PPP4R4: variants seen among roughly 807,000 people sequenced by gnomAD.
The protein encoded by PPP4R4 is protein phosphatase 4 regulatory subunit 4.
PPP4R4 carries 70 observed loss-of-function variants against 121.8 expected under a neutral mutation model. That is an observed-to-expected ratio of 0.57 (90% CI 0.47 to 0.70). The LOEUF (loss-of-function observed/expected upper bound fraction) is 0.70. Ranked by LOEUF, PPP4R4 falls within the 30% of genes least tolerant of loss-of-function variation. PPP4R4 has a pLI of 0.00. For missense variants in PPP4R4, 875 were observed against 1,033.6 expected, an observed-to-expected ratio of 0.85 and a Z score of 2.10; for synonymous variants, 348 against 355.7, an observed-to-expected ratio of 0.98 and a Z score of 0.24.
intron 20 of PPP4R4, 135 bp from the exon 21 acceptor site, chr14:94,265,252 C>T: frequency 1.5e-6 from 1 of 652,574 alleles, no homozygotes; most frequent in South Asian, 2.1e-5. Context: ...TAAATATTAC[C>T]AAGTAAGAAT....
chr14:94,190,259 G>A (rs1466879059), intron 2 of PPP4R4, among the ~76,000 whole-genome samples: 4 of 152,046 alleles, frequency 2.6e-5, no homozygotes, highest in Non-Finnish European at 4.4e-5. Flanking sequence ...TTGGCAGTAT[G>A]TTATCTTAGC....
At chr14:94,208,016 G>A (rs1229382066) in intron 2 of PPP4R4, among the ~76,000 whole-genome samples, 2 of 151,884 alleles carry the variant, frequency 1.3e-5, no homozygotes, top group African/African-American at 4.8e-5. Context: ...CCAAGAGAAA[G>A]TTGTATGATT....
intron 3 of PPP4R4, among the ~76,000 whole-genome samples, chr14:94,213,896 A>C (rs1234470749): frequency 6.6e-6 from 1 of 152,224 alleles, no homozygotes; most frequent in African/African-American, 2.4e-5. Context: ...TTGTTACAGC[A>C]GCCACAGGAA....
At chr14:94,183,986 CAT>C (rs1034956867) in intron 2 of PPP4R4, among the ~76,000 whole-genome samples, 5 of 151,982 alleles carry the variant, frequency 3.3e-5, no homozygotes, top group African/African-American at 7.2e-5. Context: ...CATATTATAA[CAT>C]ATGTATATCA....
At chr14:94,188,328 C>T (rs900378524) in intron 2 of PPP4R4, among the ~76,000 whole-genome samples, 2 of 152,030 alleles carry the variant, frequency 1.3e-5, no homozygotes, top group Non-Finnish European at 2.9e-5. Context: ...TGTTTCTAGA[C>T]TCTATTTGCT....
At chr14:94,179,503 T>G (rs1888860708) in intron 2 of PPP4R4, among the ~76,000 whole-genome samples, 1 of 152,238 alleles carries the variant, frequency 6.6e-6, no homozygotes. Flanking sequence ...CACTTAATTC[T>G]TCACTTTTTG....
At chr14:94,255,343 A>C (rs1178838064) in intron 16 of PPP4R4, among the ~76,000 whole-genome samples, 1 of 148,926 alleles carries the variant, frequency 6.7e-6, no homozygotes, top group Non-Finnish European at 1.5e-5. Context: ...TCCTGCCTGT[A>C]ATCCCAGCAC....
chr14:94,204,046 G>A, intron 2 of PPP4R4, among the ~76,000 whole-genome samples: 1 of 152,048 alleles, frequency 6.6e-6, no homozygotes, highest in East Asian at 1.9e-4. Flanking sequence ...TTTTGATGAA[G>A]TCTAACTTTT....
chr14:94,221,782 T>G (rs561729170), intron 3 of PPP4R4, among the ~76,000 whole-genome samples: 2 of 152,070 alleles, frequency 1.3e-5, no homozygotes, highest in Non-Finnish European at 2.9e-5. Context: ...GTACAACAAC[T>G]TTAGAAAACA....
At chr14:94,229,711 G>C (rs1891908692) in intron 3 of PPP4R4, among the ~76,000 whole-genome samples, 1 of 151,930 alleles carries the variant, frequency 6.6e-6, no homozygotes, top group Admixed American at 6.6e-5. Context: ...ACTATTTTAT[G>C]ACTAAGTTCC....
intron 2 of PPP4R4, 87 bp downstream of exon 2, chr14:94,176,214 T>C: frequency 8.8e-7 from 1 of 1,142,356 alleles, no homozygotes; most frequent in African/African-American, 1.5e-5. Flanking sequence ...GTTCGCGTTA[T>C]GTTCAGATTT....
chr14:94,242,990 G>A lies in PPP4R4; in HGVS notation c.1266+582G>A, dbSNP rs1021018352. The stretch of plus-strand genomic sequence containing the variant: ...CGTATGCCGTGGTTGCAATAAATAC[G>A]GATAAGCTATAACTTTCAACTTCAA... On this transcript the variant is annotated intron_variant, in intron 11 of 24. Transcript: ENST00000304338. Among the ~76,000 whole-genome samples the A allele has an allele frequency of 5.9e-5, 9 of 152,126 alleles. No homozygotes were observed. In the East Asian group the frequency reaches 7.7e-4, roughly 13 times the overall value.
At chr14:94,206,537 T>G (rs1358378188) in intron 2 of PPP4R4, among the ~76,000 whole-genome samples, 1 of 152,036 alleles carries the variant, frequency 6.6e-6, no homozygotes, top group African/African-American at 2.4e-5. Context: ...GTTTTCTTTT[T>G]CTTGCCTTCC....
intron 2 of PPP4R4, among the ~76,000 whole-genome samples, chr14:94,205,722 G>A (rs779628222): frequency 3.3e-5 from 5 of 151,432 alleles, no homozygotes; most frequent in Non-Finnish European, 4.4e-5. Context: ...TTGATTTCCC[G>A]TGAGACCTTT....
chr14:94,212,259 G>A lies in PPP4R4; in HGVS notation c.294+3693G>A, dbSNP rs561299668. Among the ~76,000 whole-genome samples, 7 of 152,222 alleles carry A rather than the reference G, an allele frequency of 4.6e-5. No individual in the cohort carries two copies. In the South Asian group the frequency reaches 1.2e-3, roughly 27 times the overall value. On this transcript the variant is annotated intron_variant, in intron 3 of 24. Coordinates refer to ENST00000304338, the MANE Select transcript of PPP4R4 (RefSeq NM_058237.2). ...TAATTGAAAAGTGATTTAAAAAATA[G>A]GTTGCTTTCACTGTTTTAGAGATAA... is the stretch of plus-strand genomic sequence containing the variant.
Position 94,247,385 on chromosome 14 carries a change from T to C in PPP4R4, c.1611+846T>C, listed in dbSNP as rs577397971. ...GCTGGGCTGAAAACCCTGGGCTGCATGTGCCTACCTGGTTGTATACCAGTT... is the reference window on the plus strand; with the variant it reads ...GCTGGGCTGAAAACCCTGGGCTGCACGTGCCTACCTGGTTGTATACCAGTT... On this transcript the variant is annotated intron_variant, in intron 14 of 24. Transcript: ENST00000304338. Among the ~76,000 whole-genome samples the C allele has an allele frequency of 2.4e-4, 36 of 152,342 alleles. No individual in the cohort carries two copies. In the South Asian group the frequency reaches 5.2e-3, roughly 22 times the overall value.
intron 19 of PPP4R4, among the ~76,000 whole-genome samples, chr14:94,261,682 A>T (rs1320569659): frequency 6.6e-6 from 1 of 152,056 alleles, no homozygotes; most frequent in African/African-American, 2.4e-5. Context: ...ATCATCAGGT[A>T]TGATGGTAGA....
intron 16 of PPP4R4, among the ~76,000 whole-genome samples, chr14:94,253,735 C>A (rs1359569113): frequency 6.6e-6 from 1 of 152,178 alleles, no homozygotes; most frequent in Non-Finnish European, 1.5e-5. Flanking sequence ...AAATATTACT[C>A]TATTAATTTC....
At position 94,265,836 on chromosome 14, in the gene PPP4R4, T is replaced by C. The variant is rs779513399; in HGVS notation, c.2327T>C (p.Phe776Ser). 4 of 1,610,462 alleles carry C rather than the reference T, an allele frequency of 2.5e-6. No homozygotes were observed. The highest frequency in any genetic ancestry group is 3.4e-6 in the Non-Finnish European group (4 of 1,177,580). The stretch of plus-strand genomic sequence containing the variant: ...TCCAAACTGATTCGAAGCCAGTCTT[T>C]TAATAATCAAGCTTTTCATGCAAAA... ...KKSKLIRSQSFNNQAFHAKYG... is the reference protein window; with the variant it reads ...KKSKLIRSQSSNNQAFHAKYG... The change falls in exon 22 of 25, where the codon TTT becomes TCT. Residue 776 changes from phenylalanine (F) to serine (S), a missense_variant. By Grantham distance (155) the Phe-to-Ser change is radical. Transcript: ENST00000304338.
Sources: gnomAD v4.1 joint callset for allele counts (sites outside exome capture counted in the v4.1 genomes callset) on GRCh38, gnomAD v4.1.1 for gene constraint, MANE v1.5 for transcripts, NCBI Gene and HGNC (gene_info 2026-07-23, HGNC 2026-07-21) for gene names.